Variants in PLCB4 observed in about 807,000 individuals in gnomAD.
PLCB4 encodes the protein phospholipase C beta 4, also known as 1-phosphatidylinositol 4,5-bisphosphate phosphodiesterase beta-4.
Under a neutral mutation model 178.8 loss-of-function variants are expected in PLCB4, and 77 were observed. The ratio of observed to expected loss-of-function variants is 0.43; its 90% CI spans 0.36 to 0.52. The LOEUF (loss-of-function observed/expected upper bound fraction) is 0.52, where lower values mean the gene tolerates loss of function less well. Ranked by LOEUF, PLCB4 falls within the 20% of genes least tolerant of loss-of-function variation. The pLI is 0.00. For synonymous variants in PLCB4, 496 were observed against 490.8 expected, an observed-to-expected ratio of 1.01 and a Z score of -0.14; for missense variants, 1,024 against 1,453.4, an observed-to-expected ratio of 0.70 and a Z score of 4.80.
At chr20:9,444,070 C>T in intron 31 of PLCB4, 40 bp downstream of exon 31, 1 of 1,472,740 alleles carries the variant, frequency 6.8e-7, no homozygotes, top group Admixed American at 1.7e-5. Flanking sequence ...TCTTGTATTA[C>T]ACATATTGGT....
chr20:9,320,240 G>T (rs918855079), intron 4 of PLCB4, among the ~76,000 whole-genome samples: 1 of 152,154 alleles, frequency 6.6e-6, no homozygotes, highest in Non-Finnish European at 1.5e-5. Context: ...GGAACTGAGG[G>T]TTCCTCCCCT....
intron 4 of PLCB4, among the ~76,000 whole-genome samples, chr20:9,333,653 A>AT (rs2088983579): frequency 6.6e-6 from 1 of 152,184 alleles, no homozygotes; most frequent in East Asian, 1.9e-4. Context: ...TAAAGAATCA[A>AT]TCTGGCTCCT....
intron 17 of PLCB4, among the ~76,000 whole-genome samples, chr20:9,392,698 G>A (rs1169316370): frequency 6.6e-6 from 1 of 152,142 alleles, no homozygotes; most frequent in African/African-American, 2.4e-5. Flanking sequence ...AAAAGAAGAT[G>A]GCGTATGGTG....
chr20:9,414,073 G>A (rs927973199), intron 25 of PLCB4, among the ~76,000 whole-genome samples: 2 of 152,168 alleles, frequency 1.3e-5, no homozygotes, highest in South Asian at 2.1e-4. Flanking sequence ...TTGTAAATGC[G>A]TTCATTTATT....
chr20:9,367,445 G>A (rs2035881765), intron 9 of PLCB4, among the ~76,000 whole-genome samples: 2 of 152,102 alleles, frequency 1.3e-5, no homozygotes, highest in East Asian at 1.9e-4. Context: ...CTTGACTGAT[G>A]GTTGTTGGCA....
intron 2 of PLCB4, among the ~76,000 whole-genome samples, chr20:9,113,981 A>AG (rs1016755268): frequency 3.9e-5 from 6 of 152,234 alleles, no homozygotes; most frequent in Non-Finnish European, 7.4e-5. Context: ...TGGGAGGCTG[A>AG]GGGGGGCGGA....
chr20:9,135,236 G>A (rs549888156), intron 2 of PLCB4, among the ~76,000 whole-genome samples: 1 of 152,016 alleles, frequency 6.6e-6, no homozygotes, highest in South Asian at 2.1e-4. Flanking sequence ...TAACTTTAAC[G>A]ATTATATAAT....
intron 34 of PLCB4, among the ~76,000 whole-genome samples, chr20:9,458,545 T>A (rs1371009217): frequency 6.6e-6 from 1 of 152,208 alleles, no homozygotes; most frequent in Non-Finnish European, 1.5e-5. Flanking sequence ...TCTGCTGATT[T>A]TGGCTGGAGA....
chr20:9,346,675 A>G (rs1004592551), intron 7 of PLCB4, among the ~76,000 whole-genome samples: 1 of 152,124 alleles, frequency 6.6e-6, no homozygotes, highest in Non-Finnish European at 1.5e-5. Flanking sequence ...CAAATCAATG[A>G]GGGGGGGCAT....
chr20:9,194,962 C>T (rs1437914232), intron 2 of PLCB4, among the ~76,000 whole-genome samples: 1 of 152,150 alleles, frequency 6.6e-6, no homozygotes, highest in African/African-American at 2.4e-5. Context: ...ATGGATCAGA[C>T]TGTAAGCTTT....
rs183471079 is a variant in PLCB4, at chr20:9,110,740, G to A, written c.-79+14398G>A. On this transcript the variant is annotated intron_variant, in intron 2 of 39. Transcript: ENST00000378473. ...CCAACTTAGTGTGTTGGCATTTGAA[G>A]TACCAAATGTCCTCTTCACCAATGA... Among the ~76,000 whole-genome samples the A allele has an allele frequency of 7.2e-5, 11 of 152,250 alleles. No individual in the cohort carries two copies. The East Asian group carries it at 1.7e-3, about 24-fold the overall frequency.
intron 2 of PLCB4, among the ~76,000 whole-genome samples, chr20:9,145,902 A>C (rs1677546986): frequency 1.3e-5 from 2 of 152,112 alleles, no homozygotes; most frequent in Admixed American, 1.3e-4. Context: ...CAACTGATAC[A>C]TAAAGGGCAA....
intron 2 of PLCB4, among the ~76,000 whole-genome samples, chr20:9,110,477 C>T (rs1164478375): frequency 6.6e-6 from 1 of 152,144 alleles, no homozygotes; most frequent in Non-Finnish European, 1.5e-5. Flanking sequence ...ACACATTTTA[C>T]ATTTCTCCCA....
At chr20:9,171,560 C>CT (rs1420557830) in intron 2 of PLCB4, among the ~76,000 whole-genome samples, 18 of 152,218 alleles carry the variant, frequency 1.2e-4, no homozygotes, top group African/African-American at 4.3e-4. Context: ...TTTATAGTTG[C>CT]TTTTCTCTGA....
At chr20:9,425,798 T>C (rs1290088181) in intron 28 of PLCB4, among the ~76,000 whole-genome samples, 1 of 152,234 alleles carries the variant, frequency 6.6e-6, no homozygotes, top group Non-Finnish European at 1.5e-5. Context: ...TCATTTATTT[T>C]ATATGTGAAG....
At chr20:9,445,492 A>T (rs2042362649) in intron 32 of PLCB4, among the ~76,000 whole-genome samples, 3 of 152,128 alleles carry the variant, frequency 2.0e-5, no homozygotes, top group South Asian at 2.1e-4. Flanking sequence ...TCATTTCTTT[A>T]AGAGTTTGTG....
intron 1 of PLCB4, among the ~76,000 whole-genome samples, chr20:9,076,323 C>G (rs6056383): frequency 2.6e-5 from 4 of 151,768 alleles, no homozygotes; most frequent in Admixed American, 2.0e-4. Context: ...AAAAATTAGC[C>G]GGGTGTGGTG....
chr20:9,227,118 T>G (rs1309128952), intron 3 of PLCB4, among the ~76,000 whole-genome samples: 1 of 152,074 alleles, frequency 6.6e-6, no homozygotes, highest in Non-Finnish European at 1.5e-5. Context: ...TTCTCTGCCC[T>G]TTGCCCATTT....
At chr20:9,200,867 C>T (rs1191977067) in intron 2 of PLCB4, among the ~76,000 whole-genome samples, 1 of 152,140 alleles carries the variant, frequency 6.6e-6, no homozygotes, top group Admixed American at 6.5e-5. Context: ...TCCCCTCCCC[C>T]CAGCTTGCTA....
Sources: gnomAD v4.1 joint callset for allele counts (sites outside exome capture counted in the v4.1 genomes callset) on GRCh38, gnomAD v4.1.1 for gene constraint, MANE v1.5 for transcripts, NCBI Gene and HGNC (gene_info 2026-07-23, HGNC 2026-07-21) for gene names.